The following MRPL3 variants were observed in gnomAD, a reference collection of about 807,000 sequenced individuals.
The protein encoded by MRPL3 is large ribosomal subunit protein uL3m.
MRPL3 carries 43 observed loss-of-function variants against 44.3 expected under a neutral mutation model. The ratio of observed to expected loss-of-function variants is 0.97; its 90% CI spans 0.76 to 1.25. The LOEUF is 1.25. Among genes scored for constraint, MRPL3 ranks in the 50% most tolerant of loss-of-function variants. MRPL3 has a pLI of 0.00. For missense variants in MRPL3, 406 were observed against 427.6 expected, an observed-to-expected ratio of 0.95 and a Z score of 0.45; for synonymous variants, 171 against 152.3, an observed-to-expected ratio of 1.12 and a Z score of -0.91.
chr3:131,464,862 T>G (rs974624164), intron 9 of MRPL3, among the ~76,000 whole-genome samples: 2 of 152,212 alleles, frequency 1.3e-5, no homozygotes, highest in African/African-American at 2.4e-5. Context: ...GAGTGGATGT[T>G]AACAAAGTTG....
In MRPL3 at chr3:131,469,772, T is replaced by C; in HGVS notation, c.740A>G (p.Asp247Gly). Residue 247 changes from aspartate to glycine, a missense_variant and splice_region_variant, in exon 8 of 10, where the codon GAT (aspartate) becomes GGT (glycine). Physicochemically the swap from Asp to Gly is moderately conservative, Grantham distance 94. Coordinates refer to ENST00000264995, the MANE Select transcript of MRPL3 (RefSeq NM_007208.4). The part of the protein sequence containing the change: ...HRRPGAVATG[D>G]IGRVWPGTKM... ...AGTTCCAGGCCAGACTCTGCCAATA[T>C]CCTAAATGAGAAAACTAAAGTTAAC... is the stretch of plus-strand genomic sequence containing the variant. 1 of 1,609,596 alleles carries C rather than the reference T, an allele frequency of 6.2e-7. No homozygotes were observed. Among genetic ancestry groups the C allele is most frequent in the African/African-American group, 1.3e-5 (1 of 74,878 alleles).
chr3:131,476,860 A>G (rs56005985), intron 6 of MRPL3, among the ~76,000 whole-genome samples: 1 of 152,158 alleles, frequency 6.6e-6, no homozygotes, highest in Non-Finnish European at 1.5e-5. Flanking sequence ...AGCTGTGTCC[A>G]GGGAAGACAG....
chr3:131,487,837 T>C, intron 5 of MRPL3, 97 bp from the exon 6 acceptor site: 1 of 889,618 alleles, frequency 1.1e-6, no homozygotes, highest in Non-Finnish European at 1.8e-6. Flanking sequence ...TCTAGCTGAT[T>C]TCAAAAATGG....
At chr3:131,467,902 G>A (rs1933652114) in intron 9 of MRPL3, among the ~76,000 whole-genome samples, 189 bp downstream of exon 9, 1 of 151,928 alleles carries the variant, frequency 6.6e-6, no homozygotes, top group Non-Finnish European at 1.5e-5. Context: ...CTACTAAAAA[G>A]CAGAAAGATT....
chr3:131,467,135 G>A (rs1279013049), intron 9 of MRPL3, among the ~76,000 whole-genome samples: 2 of 151,908 alleles, frequency 1.3e-5, no homozygotes, highest in Non-Finnish European at 2.9e-5. Context: ...ATGTCCTCCA[G>A]GTTTATCCAT....
chr3:131,466,651 G>C (rs892267068), intron 9 of MRPL3, among the ~76,000 whole-genome samples: 2 of 137,018 alleles, frequency 1.5e-5, no homozygotes, highest in African/African-American at 5.3e-5. Flanking sequence ...TTTCTGGTTT[G>C]TCAAAGTAAC....
chr3:131,484,416 C>G (rs946761283), intron 6 of MRPL3, among the ~76,000 whole-genome samples: 3 of 152,126 alleles, frequency 2.0e-5, no homozygotes, highest in African/African-American at 4.8e-5. Flanking sequence ...GCATGAGACC[C>G]ACTGCTCCAG....
At chr3:131,467,666 T>C (rs965291749) in intron 9 of MRPL3, among the ~76,000 whole-genome samples, 2 of 152,120 alleles carry the variant, frequency 1.3e-5, no homozygotes, top group South Asian at 4.1e-4. Flanking sequence ...TTTGCCATGA[T>C]TGTAAGTTTC....
intron 6 of MRPL3, among the ~76,000 whole-genome samples, chr3:131,481,764 T>C (rs1458303521): frequency 6.6e-6 from 1 of 152,236 alleles, no homozygotes; most frequent in Non-Finnish European, 1.5e-5. Flanking sequence ...ATTATTTCTC[T>C]CTATAGTTTA....
chr3:131,467,217 G>A (rs555826170), intron 9 of MRPL3, among the ~76,000 whole-genome samples: 1 of 151,784 alleles, frequency 6.6e-6, no homozygotes, highest in African/African-American at 2.4e-5. Flanking sequence ...GCATTCTCTA[G>A]AATATTCTTC....
intron 6 of MRPL3, among the ~76,000 whole-genome samples, chr3:131,475,320 T>A (rs1244215549): frequency 6.6e-6 from 1 of 152,192 alleles, no homozygotes; most frequent in Non-Finnish European, 1.5e-5. Flanking sequence ...AGAAAGCCTA[T>A]GTGAATAATA....
At chr3:131,463,403 T>C (rs1210025206) in intron 9 of MRPL3, among the ~76,000 whole-genome samples, 2 of 151,942 alleles carry the variant, frequency 1.3e-5, no homozygotes, top group South Asian at 2.1e-4. Context: ...AAGTCCTGTA[T>C]TGACGGAAAA....
intron 3 of MRPL3, among the ~76,000 whole-genome samples, 178 bp from the exon 4 acceptor site, chr3:131,498,455 C>T (rs900170767): frequency 1.3e-5 from 2 of 151,520 alleles, no homozygotes; most frequent in African/African-American, 4.8e-5. Context: ...ATTAAATACA[C>T]ACTTTGGGAG....
At chr3:131,498,013 A>G in intron 4 of MRPL3, 166 bp downstream of exon 4, 1 of 627,228 alleles carries the variant, frequency 1.6e-6, no homozygotes. Flanking sequence ...AGAGTCTCCA[A>G]GACTCCTGGG....
chr3:131,469,812 T>C (rs1933703807), intron 7 of MRPL3, 39 bp from the exon 8 acceptor site: 3 of 1,383,092 alleles, frequency 2.2e-6, no homozygotes, highest in Non-Finnish European at 3.1e-6. Context: ...TTAAGTACTA[T>C]CAATTTTAAA....
At chr3:131,480,229 A>G (rs1217901903) in intron 6 of MRPL3, among the ~76,000 whole-genome samples, 2 of 152,236 alleles carry the variant, frequency 1.3e-5, no homozygotes, top group East Asian at 3.9e-4. Context: ...TAGCATCTCT[A>G]CTGAAGATCC....
intron 9 of MRPL3, among the ~76,000 whole-genome samples, chr3:131,466,291 G>GA: frequency 6.6e-6 from 1 of 152,140 alleles, no homozygotes; most frequent in Non-Finnish European, 1.5e-5. Flanking sequence ...GCTATCATTG[G>GA]AAAATCAATG....
chr3:131,502,101 T>C (rs1934512682), intron 1 of MRPL3, among the ~76,000 whole-genome samples: 1 of 152,194 alleles, frequency 6.6e-6, no homozygotes, highest in African/African-American at 2.4e-5. Flanking sequence ...ACCTCCTCCC[T>C]GCAATGACAT....
chr3:131,499,617 T>C (rs1019873456), intron 3 of MRPL3, among the ~76,000 whole-genome samples: 1 of 152,180 alleles, frequency 6.6e-6, no homozygotes, highest in East Asian at 1.9e-4. Context: ...CTTAGGTGCA[T>C]GAGCTGTTAC....
Sources: gnomAD v4.1 joint callset for allele counts (sites outside exome capture counted in the v4.1 genomes callset) on GRCh38, gnomAD v4.1.1 for gene constraint, MANE v1.5 for transcripts, NCBI Gene and HGNC (gene_info 2026-07-23, HGNC 2026-07-21) for gene names.